BLOC1S3: variants seen among roughly 807,000 people sequenced by gnomAD.
The protein encoded by BLOC1S3 is biogenesis of lysosome-related organelles complex 1 subunit 3.
A neutral mutation model predicts 9.1 loss-of-function variants in BLOC1S3; 7 were observed. That is an observed-to-expected ratio of 0.77 (90% CI 0.44 to 1.45). The LOEUF (loss-of-function observed/expected upper bound fraction) is 1.45. Ranked by LOEUF, BLOC1S3 falls within the 40% of genes most tolerant of loss-of-function variation. The probability of loss-of-function intolerance (pLI) is 0.01; values close to 1 mark genes in which losing one functional copy is unlikely to be tolerated. For missense variants in BLOC1S3, 307 were observed against 315.2 expected (o/e 0.97, Z 0.20); for synonymous variants, 145 against 158.4 (o/e 0.92, Z 0.64).
Position 45,180,514 on chromosome 19 carries a change from TC to T in BLOC1S3, c.*612del. 6.2e-6 allele frequency: 1 copy of T among 160,656 alleles called. No individual in the cohort carries two copies. The allele number at this position is 160,656 out of a possible 1,614,324, so 10.0% of individuals were successfully genotyped here. A position where few individuals can be genotyped will look rare whatever the true frequency, so the allele number is the denominator to read the frequency against. Reference sequence around the variant, plus strand: ...CTCAAGCAATCCTCCCACTGTGGCGTCCCAAAGTGCTGGGGTTACAGGTGTG... The same window carrying T: ...CTCAAGCAATCCTCCCACTGTGGCGTCCAAAGTGCTGGGGTTACAGGTGTG... On this transcript the variant is annotated 3_prime_UTR_variant, in exon 2 of 2. Transcript: ENST00000433642.
intron 3 of BLOC1S3, among the ~76,000 whole-genome samples, chr19:45,215,803 C>T (rs1969826586): frequency 6.6e-6 from 1 of 152,198 alleles, no homozygotes; most frequent in Admixed American, 6.5e-5. Context: ...CCCTTCCTGC[C>T]TCCAGGCAGC....
downstream of BLOC1S3, among the ~76,000 whole-genome samples, chr19:45,184,969 G>T (rs1969556414): frequency 6.6e-6 from 1 of 151,184 alleles, no homozygotes; most frequent in Admixed American, 6.6e-5. Flanking sequence ...ACCGACTGGG[G>T]AAGTACCTAG....
chr19:45,205,685 ATT>A lies in BLOC1S3; in HGVS notation n.282+3179_282+3180del, dbSNP rs531183814. On this transcript the variant is annotated intron_variant and non_coding_transcript_variant, in intron 3 of 3. Coordinates refer to the BLOC1S3 transcript ENST00000591569. ...AAACTTCTGCTCTTCAACAAACATTATTAGGAGAATGAAAAGATAAGCCAAAC... is the reference window on the plus strand; with the variant it reads ...AAACTTCTGCTCTTCAACAAACATTAAGGAGAATGAAAAGATAAGCCAAAC... Among the ~76,000 whole-genome samples, 666 of 152,328 alleles carry A rather than the reference ATT, an allele frequency of 4.4e-3. 2 individuals carry two copies. Among genetic ancestry groups the A allele is most frequent in the African/African-American group, 0.015 (627 of 41,586 alleles).
chr19:45,198,185 C>A (rs1016650704), intron 2 of BLOC1S3, among the ~76,000 whole-genome samples: 3 of 152,280 alleles, frequency 2.0e-5, no homozygotes, highest in Admixed American at 2.0e-4. Flanking sequence ...AATAGAGCAA[C>A]CGTCCAAGAA....
rs59295257 is a variant in BLOC1S3, at chr19:45,202,210, TAAAAAAA to T, written n.181-175_181-169del. ...CTGGGTGACAGAGTGAGACTCCATC[TAAAAAAA>T]AAAAAAAAAAAAAAAAAAAAGACGT... On this transcript the variant is annotated intron_variant and non_coding_transcript_variant, in intron 2 of 3. Coordinates refer to the BLOC1S3 transcript ENST00000591569. Among the ~76,000 whole-genome samples, 61 of 54,932 alleles carry T rather than the reference TAAAAAAA, an allele frequency of 1.1e-3. 1 individual carries two copies. Among genetic ancestry groups the T allele is most frequent in the Middle Eastern group, 0.011 (1 of 90 alleles). The allele number at this position is 54,932 out of a possible 152,430, so 36.0% of individuals were successfully genotyped here. A position where few individuals can be genotyped will look rare whatever the true frequency, so the allele number is the denominator to read the frequency against.
chr19:45,189,715 C>T (rs1208011463), intron 2 of BLOC1S3, among the ~76,000 whole-genome samples: 5 of 151,496 alleles, frequency 3.3e-5, no homozygotes, highest in East Asian at 3.9e-4. Context: ...GGATTACAGG[C>T]GTGAGCCACC....
Position 45,179,657 on chromosome 19 carries a change from G to C in BLOC1S3, c.361G>C (p.Asp121His), listed in dbSNP as rs1390537055. 3.4e-6 allele frequency: 5 copies of C among 1,469,436 alleles called. No homozygotes were observed. Among genetic ancestry groups the C allele is most frequent in the Non-Finnish European group, 4.5e-6 (5 of 1,116,544 alleles). The allele number at this position is 1,469,436 out of a possible 1,614,324, so 91.0% of individuals were successfully genotyped here. A position where few individuals can be genotyped will look rare whatever the true frequency, so the allele number is the denominator to read the frequency against. Residue 121 changes from aspartate (D) to histidine (H), a missense_variant, in exon 2 of 2, where the codon GAC (aspartate) becomes CAC (histidine). Asp to His is a moderately conservative substitution (Grantham distance 81, BLOSUM62 -1). Transcript: ENST00000433642. The surrounding 1 kb of genome is among the most constrained non-coding windows in gnomAD (Gnocchi z 4.6). ...GCTGGCGGAGAGCCAGGCGCGGCTG[G>C]ACCACGACGTGGCGGCCGCCGTGAG... is the stretch of plus-strand genomic sequence containing the variant. Reference protein sequence around the residue: ...LRLAESQARLDHDVAAAVSGV... With the variant: ...LRLAESQARLHHDVAAAVSGV...
chr19:45,190,232 C>T (rs12985384), intron 2 of BLOC1S3, among the ~76,000 whole-genome samples: 55,269 of 150,794 alleles, frequency 0.37, 11,013 homozygotes, highest in Admixed American at 0.44. Flanking sequence ...AATTTTTCAA[C>T]TCCAGAACTT....
intron 3 of BLOC1S3, among the ~76,000 whole-genome samples, chr19:45,203,246 C>T (rs1304831888): frequency 6.9e-6 from 1 of 145,458 alleles, no homozygotes; most frequent in East Asian, 2.0e-4. Flanking sequence ...GTCCTTGTGG[C>T]CTGACTGCCT....
chr19:45,203,317 G>A (rs976390148), intron 3 of BLOC1S3, among the ~76,000 whole-genome samples: 3 of 151,904 alleles, frequency 2.0e-5, no homozygotes, highest in Non-Finnish European at 4.4e-5. Context: ...GCTGTTGTCC[G>A]GGCTGGAGTG....
chr19:45,179,630 C>A lies in BLOC1S3; in HGVS notation c.334C>A (p.Arg112=). The part of the protein sequence containing the change: ...PAPARSLLQL[R]LAESQARLDH... ...CCCCGCGCGCTCGCTCCTGCAACTT[C>A]GGCTGGCGGAGAGCCAGGCGCGGCT... Residue 112 remains arginine, a synonymous_variant, in exon 2 of 2, where the codon CGG becomes AGG. Coordinates refer to ENST00000433642, the MANE Select transcript of BLOC1S3 (RefSeq NM_212550.5). This position sits in a 1 kb window ranked among gnomAD's most constrained non-coding sequence, Gnocchi z 4.6. 6.8e-7 allele frequency: 1 copy of A among 1,473,326 alleles called. No individual in the cohort carries two copies. Among genetic ancestry groups the A allele is most frequent in the Non-Finnish European group, 8.9e-7 (1 of 1,118,706 alleles). 91.3% of individuals were successfully genotyped at this position (1,473,326 alleles called of 1,614,324 possible).
intron 3 of BLOC1S3, among the ~76,000 whole-genome samples, chr19:45,207,347 G>A (rs574512705): frequency 6.6e-6 from 1 of 151,052 alleles, no homozygotes; most frequent in Admixed American, 6.6e-5. Context: ...TGGCCAGGCT[G>A]GTCTCAAACT....
At chr19:45,191,321 A>G (rs762695761) in intron 2 of BLOC1S3, among the ~76,000 whole-genome samples, 4 of 149,822 alleles carry the variant, frequency 2.7e-5, no homozygotes, top group Non-Finnish European at 4.4e-5. Context: ...GGGTTTCTCC[A>G]TGTTGGTCAG....
At position 45,180,079 on chromosome 19, in the gene BLOC1S3, AC is replaced by A. The variant is rs1221222672; in HGVS notation, c.*178del. The A allele has an allele frequency of 4.4e-6, 3 of 680,614 alleles. No homozygotes were observed. Among genetic ancestry groups the A allele is most frequent in the Non-Finnish European group, 7.1e-6 (3 of 422,194 alleles). 42.2% of individuals were successfully genotyped at this position (680,614 alleles called of 1,614,324 possible). A position where few individuals can be genotyped will look rare whatever the true frequency, so the allele number is the denominator to read the frequency against. ...AATGCTTTATATTGGATATAGTTCA[AC>A]CCCTACTGCGGAGACCAGGGCCCCA... On this transcript the variant is annotated 3_prime_UTR_variant, in exon 2 of 2. Transcript: ENST00000433642.
At chr19:45,182,149 C>T (rs1390857772), downstream of BLOC1S3, among the ~76,000 whole-genome samples, 5 of 152,100 alleles carry the variant, frequency 3.3e-5, no homozygotes, top group African/African-American at 9.7e-5. Flanking sequence ...AGATGATAGC[C>T]TGGCCAACAT....
chr19:45,192,121 A>T (rs945305430), intron 2 of BLOC1S3, among the ~76,000 whole-genome samples: 1 of 152,164 alleles, frequency 6.6e-6, no homozygotes, highest in Non-Finnish European at 1.5e-5. Context: ...ACTGTGGCTG[A>T]GCTGGCACAC....
rs1969479394 is a variant in BLOC1S3 at position 45,179,586 on chromosome 19, A to C, written c.290A>C (p.Glu97Ala). The C allele has an allele frequency of 1.3e-6, 2 of 1,487,418 alleles. No individual in the cohort carries two copies. Among genetic ancestry groups the C allele is most frequent in the South Asian group, 1.3e-5 (1 of 79,116 alleles). 92.1% of individuals were successfully genotyped at this position (1,487,418 alleles called of 1,614,324 possible). ...TCGGCGGAGGAGGCCTGGGGCACGGAGGAGGCCCCGGCGCCCGCCCCCGCG... is the reference window on the plus strand; with the variant it reads ...TCGGCGGAGGAGGCCTGGGGCACGGCGGAGGCCCCGGCGCCCGCCCCCGCG... ...RESAEEAWGT[E>A]EAPAPAPARS... The change falls in exon 2 of 2, where the codon GAG becomes GCG. Residue 97 changes from glutamate (E) to alanine (A), a missense_variant. Physicochemically the swap from Glu to Ala is moderately radical, Grantham distance 107. Coordinates refer to ENST00000433642, the MANE Select transcript of BLOC1S3 (RefSeq NM_212550.5). The surrounding 1 kb of genome is among the most constrained non-coding windows in gnomAD (Gnocchi z 4.6).
In BLOC1S3 at chr19:45,180,118, C is replaced by G. The variant is rs1422646601; in HGVS notation, c.*213C>G. The G allele has an allele frequency of 1.2e-5, 6 of 516,664 alleles. No individual in the cohort carries two copies. The highest frequency in any genetic ancestry group is 1.7e-5 in the Non-Finnish European group (5 of 296,022). 32.0% of individuals were successfully genotyped at this position (516,664 alleles called of 1,614,324 possible). A position where few individuals can be genotyped will look rare whatever the true frequency, so the allele number is the denominator to read the frequency against. The stretch of plus-strand genomic sequence containing the variant: ...GACCAGGGCCCCACTATCCTTAGAT[C>G]TGGTTCCTCTCCCGATCCTGACCCT... On this transcript the variant is annotated 3_prime_UTR_variant, in exon 2 of 2. Coordinates refer to ENST00000433642, the MANE Select transcript of BLOC1S3 (RefSeq NM_212550.5).
intron 3 of BLOC1S3, among the ~76,000 whole-genome samples, chr19:45,214,893 C>T (rs983041108): frequency 3.9e-5 from 6 of 152,062 alleles, no homozygotes; most frequent in African/African-American, 1.4e-4. Flanking sequence ...CAGTGGCTCA[C>T]GCCTGTAATC....
Sources: allele counts gnomAD v4.1 joint callset (sites outside exome capture counted in the v4.1 genomes callset), GRCh38; gene constraint gnomAD v4.1.1; non-coding constraint Gnocchi (gnomAD v3.1); transcripts MANE v1.5; gene names NCBI Gene and HGNC (gene_info 2026-07-23, HGNC 2026-07-21).